The following CNBD1 variants were observed in gnomAD, a reference collection of about 807,000 sequenced individuals.
CNBD1 encodes cyclic nucleotide-binding domain-containing protein 1.
A neutral mutation model predicts 54.4 loss-of-function variants in CNBD1; 71 were observed. The observed-to-expected ratio is 1.30, with a 90% CI of 1.08 to 1.59. CNBD1 has a LOEUF of 1.59. Among genes scored for constraint, CNBD1 ranks in the 40% most tolerant of loss-of-function variants. The probability of loss-of-function intolerance (pLI) is 0.00; values close to 1 mark genes in which losing one functional copy is unlikely to be tolerated. For missense variants in CNBD1, 659 were observed against 518.0 expected, an observed-to-expected ratio of 1.27 and a Z score of -2.64; for synonymous variants, 182 against 170.7, an observed-to-expected ratio of 1.07 and a Z score of -0.51.
chr8:86,873,370 G>A (rs904495859), intron 1 of CNBD1, among the ~76,000 whole-genome samples: 5 of 151,784 alleles, frequency 3.3e-5, no homozygotes, highest in African/African-American at 9.7e-5. Context: ...CAAAGTGCTA[G>A]GATTACAGGT....
intron 4 of CNBD1, among the ~76,000 whole-genome samples, chr8:87,077,228 G>A (rs956120893): frequency 3.3e-5 from 5 of 151,980 alleles, no homozygotes; most frequent in East Asian, 3.9e-4. Context: ...TAGATGGAGC[G>A]ACTTAAACAA....
At chr8:87,344,601 G>C (rs1020410954) in intron 8 of CNBD1, among the ~76,000 whole-genome samples, 1 of 151,898 alleles carries the variant, frequency 6.6e-6, no homozygotes, top group Non-Finnish European at 1.5e-5. Flanking sequence ...ACTACAAATG[G>C]TTTACCTGCC....
At chr8:87,375,949 G>A (rs1345993396) in intron 10 of CNBD1, among the ~76,000 whole-genome samples, 1 of 151,846 alleles carries the variant, frequency 6.6e-6, no homozygotes, top group Non-Finnish European at 1.5e-5. Context: ...CTTGCAGGAA[G>A]AATTGTACTT....
At chr8:87,136,519 TTA>T (rs1484274655) in intron 4 of CNBD1, among the ~76,000 whole-genome samples, 1 of 122,478 alleles carries the variant, frequency 8.2e-6, no homozygotes, top group Admixed American at 1.2e-4. Flanking sequence ...TATTTTTATA[TTA>T]TATATAAATT....
chr8:87,080,049 T>C (rs932319775), intron 4 of CNBD1, among the ~76,000 whole-genome samples: 2 of 152,228 alleles, frequency 1.3e-5, no homozygotes, highest in Non-Finnish European at 2.9e-5. Context: ...GTTCCAAAAA[T>C]ATTTGTTGAA....
Position 87,021,659 on chromosome 8 carries a change from C to T in CNBD1, c.431+81905C>T, listed in dbSNP as rs144593935. The stretch of plus-strand genomic sequence containing the variant: ...TGCACAAAGGAGAAGTTCCCATTGA[C>T]ACTTGTAGGGTAGAGGCCAGATGCT... On this transcript the variant is annotated intron_variant, in intron 4 of 10. Transcript: ENST00000518476. Among the ~76,000 whole-genome samples, 39 of 152,296 alleles carry T rather than the reference C, an allele frequency of 2.6e-4. No individual in the cohort carries two copies. The East Asian group carries it at 7.1e-3, about 28-fold the overall frequency.
At chr8:87,169,223 A>G (rs1289331643) in intron 4 of CNBD1, among the ~76,000 whole-genome samples, 2 of 152,008 alleles carry the variant, frequency 1.3e-5, no homozygotes, top group Non-Finnish European at 2.9e-5. Context: ...GTATGTCTTC[A>G]GATATTGAGA....
At chr8:86,924,003 A>G (rs1481857050) in intron 3 of CNBD1, among the ~76,000 whole-genome samples, 1 of 152,170 alleles carries the variant, frequency 6.6e-6, no homozygotes, top group African/African-American at 2.4e-5. Context: ...TAAAAGTAGT[A>G]AGTTCCATTC....
At chr8:86,924,448 C>G (rs973310286) in intron 3 of CNBD1, among the ~76,000 whole-genome samples, 2 of 152,066 alleles carry the variant, frequency 1.3e-5, no homozygotes, top group Non-Finnish European at 1.5e-5. Context: ...TAAACAAAAT[C>G]AAAGATCCGT....
chr8:87,146,364 C>T (rs1159019305), intron 4 of CNBD1, among the ~76,000 whole-genome samples: 2 of 152,114 alleles, frequency 1.3e-5, no homozygotes, highest in African/African-American at 4.8e-5. Flanking sequence ...ACTTTTTCAA[C>T]TGCATAATAT....
chr8:87,216,033 G>T (rs528226043), intron 5 of CNBD1, among the ~76,000 whole-genome samples: 161 of 152,214 alleles, frequency 1.1e-3, no homozygotes, highest in Non-Finnish European at 1.7e-3. Context: ...TGTTTTCGTG[G>T]TTTATCTGCA....
rs1440607336 is a variant in CNBD1 at position 87,422,159 on chromosome 8, T to C, written c.214-6387T>C. ...CTTGTAAATTTGTTTGAGTTCATTG[T>C]AGATTCTGGATATTAGCCCTTTGTC... On this transcript the variant is annotated intron_variant, in intron 2 of 7. Transcript: ENST00000521593. 3.4e-5 allele frequency among the ~76,000 whole-genome samples: 5 copies of C among 147,176 alleles called. No individual in the cohort carries two copies. In the South Asian group the frequency reaches 1.1e-3, roughly 31 times the overall value.
At chr8:86,994,886 A>G (rs1852027) in intron 4 of CNBD1, among the ~76,000 whole-genome samples, 84,618 of 151,904 alleles carry the variant, frequency 0.56, 23,679 homozygotes, top group East Asian at 0.61. Flanking sequence ...TGCTTTGATA[A>G]AGAATAATAA....
Position 87,200,852 on chromosome 8 carries a change from A to C in CNBD1, c.432-5141A>C, listed in dbSNP as rs553353007. 1.1e-4 allele frequency among the ~76,000 whole-genome samples: 16 copies of C among 152,290 alleles called. No individual in the cohort carries two copies. In the East Asian group the frequency reaches 2.7e-3, roughly 26 times the overall value. ...CTTAAGGAACTAAAAACAATTCTTC[A>C]CAAAATCTTTCAAAAAATAGAAAAG... On this transcript the variant is annotated intron_variant, in intron 4 of 10. Transcript: ENST00000518476.
chr8:87,141,768 C>T (rs530987162), intron 4 of CNBD1, among the ~76,000 whole-genome samples: 8 of 152,082 alleles, frequency 5.3e-5, no homozygotes, highest in Admixed American at 2.6e-4. Context: ...TATAGGAGCA[C>T]TCATAAAAGT....
intron 8 of CNBD1, among the ~76,000 whole-genome samples, chr8:87,329,046 A>AT (rs71277934): frequency 0.34 from 50,759 of 150,362 alleles, 8,643 homozygotes; most frequent in Middle Eastern, 0.43. Context: ...TAGGAGTTTT[A>AT]TTTTTTTTTA....
intron 4 of CNBD1, among the ~76,000 whole-genome samples, chr8:87,038,415 G>A (rs953106607): frequency 1.3e-5 from 2 of 152,058 alleles, no homozygotes; most frequent in African/African-American, 4.8e-5. Context: ...AGGATACTTT[G>A]GTGAGCAAAG....
At chr8:87,226,754 G>T in intron 5 of CNBD1, among the ~76,000 whole-genome samples, 1 of 151,714 alleles carries the variant, frequency 6.6e-6, no homozygotes, top group Admixed American at 6.6e-5. Flanking sequence ...TGTCTATTAG[G>T]TCCGCTTGGT....
chr8:87,376,864 C>A (rs966786576), intron 10 of CNBD1, among the ~76,000 whole-genome samples: 2 of 151,720 alleles, frequency 1.3e-5, no homozygotes, highest in Non-Finnish European at 2.9e-5. Flanking sequence ...ACTCAAGCTT[C>A]TTATTTTATA....
Sources: allele counts gnomAD v4.1 joint callset (sites outside exome capture counted in the v4.1 genomes callset), GRCh38; gene constraint gnomAD v4.1.1; transcripts MANE v1.5; gene names NCBI Gene and HGNC (gene_info 2026-07-23, HGNC 2026-07-21).